The following FMO2 variants were observed in gnomAD, a reference collection of about 807,000 sequenced individuals.
The protein encoded by FMO2 is flavin containing dimethylaniline monoxygenase 2.
Under a neutral mutation model 41.6 loss-of-function variants are expected in FMO2, and 33 were observed. The observed-to-expected ratio is 0.79, with a 90% confidence interval of 0.60 to 1.06. The LOEUF (loss-of-function observed/expected upper bound fraction) is 1.06, where lower values mean the gene tolerates loss of function less well. Ranked by LOEUF, FMO2 falls within the 50% of genes least tolerant of loss-of-function variation. FMO2 has a pLI of 0.00. For synonymous variants in FMO2, 214 were observed against 219.6 expected, an observed-to-expected ratio of 0.97 and a Z score of 0.23; for missense variants, 619 against 632.9, an observed-to-expected ratio of 0.98 and a Z score of 0.23.
Position 171,208,906 on chromosome 1 carries a change from C to G in FMO2, c.1369C>G (p.Pro457Ala). The G allele has an allele frequency of 1.2e-6, 2 of 1,613,942 alleles. No homozygotes were observed. Among genetic ancestry groups the G allele is most frequent in the East Asian group, 2.2e-5 (1 of 44,864 alleles). Residue 457 changes from proline (P) to alanine (A), a missense_variant, in exon 9 of 9, where the codon CCT becomes GCT. Physicochemically the swap from Pro to Ala is conservative, Grantham distance 27 (BLOSUM62 -1). Transcript: ENST00000209929. ...PDFCSLLFKD[P>A]KLAVRLYFGP... is the part of the protein sequence containing the mutation. ...TTTCTGCTCTCTCTTGTTCAAAGATCCTAAACTGGCTGTGAGACTCTATTT... is the reference window on the plus strand; with the variant it reads ...TTTCTGCTCTCTCTTGTTCAAAGATGCTAAACTGGCTGTGAGACTCTATTT...
chr1:171,189,160 G>C (rs1031390080), intron 2 of FMO2, among the ~76,000 whole-genome samples: 2 of 152,076 alleles, frequency 1.3e-5, no homozygotes, highest in African/African-American at 4.8e-5. Context: ...AACCTTCTCT[G>C]TTTCCTTTAT....
At chr1:171,199,521 G>C (rs1658448733) in intron 5 of FMO2, 33 bp downstream of exon 5, 3 of 1,562,744 alleles carry the variant, frequency 1.9e-6, no homozygotes, top group African/African-American at 1.4e-5. Flanking sequence ...TGTACCTGGA[G>C]GGGAGGAAGT....
intron 8 of FMO2, 69 bp from the exon 9 acceptor site, chr1:171,208,725 T>C: frequency 4.1e-6 from 6 of 1,449,940 alleles, no homozygotes; most frequent in Middle Eastern, 3.6e-4. Flanking sequence ...TTTAGCAGTT[T>C]TGAATGCCTA....
chr1:171,187,534 TC>T (rs1405601603), intron 2 of FMO2, among the ~76,000 whole-genome samples: 2 of 151,348 alleles, frequency 1.3e-5, no homozygotes, highest in Non-Finnish European at 2.9e-5. Flanking sequence ...TTAATATTTT[TC>T]TGAGACAGGG....
At chr1:171,197,561 C>G (rs777058186) in intron 4 of FMO2, among the ~76,000 whole-genome samples, 1 of 152,168 alleles carries the variant, frequency 6.6e-6, no homozygotes, top group Non-Finnish European at 1.5e-5. Flanking sequence ...AGGCCCCACC[C>G]TCCATATTTC....
chr1:171,191,017 T>G (rs1442182849), intron 2 of FMO2, among the ~76,000 whole-genome samples: 1 of 151,890 alleles, frequency 6.6e-6, no homozygotes, highest in African/African-American at 2.4e-5. Context: ...TGGTGGCGCA[T>G]ACCTGTAATC....
chr1:171,187,092 C>G (rs946023510), intron 2 of FMO2, among the ~76,000 whole-genome samples: 7 of 152,238 alleles, frequency 4.6e-5, no homozygotes, highest in African/African-American at 1.7e-4. Context: ...GGCCACACAA[C>G]TGGAGGAACT....
intron 4 of FMO2, among the ~76,000 whole-genome samples, chr1:171,197,128 A>T (rs1187266112): frequency 6.6e-6 from 1 of 152,002 alleles, no homozygotes; most frequent in East Asian, 1.9e-4. Context: ...GCCTTTTTCT[A>T]CCCTGCCAAA....
intron 3 of FMO2, 87 bp from the exon 4 acceptor site, chr1:171,196,562 T>C: frequency 8.0e-7 from 1 of 1,246,678 alleles, no homozygotes; most frequent in Admixed American, 1.8e-5. Context: ...GTCAGGCCTC[T>C]TGCATGAAGC....
chr1:171,186,962 T>C (rs938323053), intron 2 of FMO2, among the ~76,000 whole-genome samples: 2 of 152,338 alleles, frequency 1.3e-5, no homozygotes. Flanking sequence ...AGATAATTCA[T>C]ATAAAGAACT....
rs1405277186 is a variant in FMO2 at position 171,209,791 on chromosome 1, C to G, written c.*646C>G. The G allele has an allele frequency of 6.6e-6, 1 of 152,146 alleles. No individual in the cohort carries two copies. Among genetic ancestry groups the G allele is most frequent in the African/African-American group, 2.4e-5 (1 of 41,448 alleles). The allele number at this position is 152,146 out of a possible 1,614,324, so 9.4% of individuals were successfully genotyped here. ...AATTAAAATTAAAATGCCATAATAG[C>G]TACCTAACAAATATATATGTTTAAT... On this transcript the variant is annotated 3_prime_UTR_variant, in exon 9 of 9. Coordinates refer to ENST00000209929, the MANE Select transcript of FMO2 (RefSeq NM_001460.5).
At chr1:171,207,668 T>A in intron 7 of FMO2, 50 bp from the exon 8 acceptor site, 1 of 1,180,786 alleles carries the variant, frequency 8.5e-7, no homozygotes, top group Non-Finnish European at 1.3e-6. Context: ...CTAGACAAAG[T>A]AATGATATTG....
In FMO2 at chr1:171,212,257, T is replaced by G. The variant is rs894097245; in HGVS notation, c.*3112T>G. Among the ~76,000 whole-genome samples, 1 of 152,056 alleles carries G rather than the reference T, an allele frequency of 6.6e-6. No individual in the cohort carries two copies. The highest frequency in any genetic ancestry group is 1.5e-5 in the Non-Finnish European group (1 of 67,990). ...TGTTGGTTATAAAAGCAAGTTTGGCTCCCTCTTTTCCTCACACACTCTTTT... is the reference window on the plus strand; with the variant it reads ...TGTTGGTTATAAAAGCAAGTTTGGCGCCCTCTTTTCCTCACACACTCTTTT... On this transcript the variant is annotated 3_prime_UTR_variant, in exon 9 of 9. Transcript: ENST00000209929.
chr1:171,193,380 A>C lies in FMO2; in HGVS notation c.178A>C (p.Thr60Pro). ...AGCAAGTATCTATCAATCTGTCGTT[A>C]CCAACACCAGCAAAGAAATGTCCTG... The part of the protein sequence containing the change: ...GRASIYQSVV[T>P]NTSKEMSCFS... Residue 60 changes from threonine to proline, a missense_variant, in exon 3 of 9, where the codon ACC becomes CCC. Physicochemically the swap from Thr to Pro is conservative, Grantham distance 38. Transcript: ENST00000209929. 6.2e-7 allele frequency: 1 copy of C among 1,612,898 alleles called. No homozygotes were observed.
chr1:171,194,995 T>C (rs540562234), intron 3 of FMO2, among the ~76,000 whole-genome samples: 2 of 152,320 alleles, frequency 1.3e-5, no homozygotes, highest in East Asian at 3.9e-4. Context: ...TACCAGAAGG[T>C]TTTGTAACTT....
chr1:171,204,538 A>G (rs1368006908), intron 6 of FMO2, among the ~76,000 whole-genome samples: 1 of 152,194 alleles, frequency 6.6e-6, no homozygotes, highest in Non-Finnish European at 1.5e-5. Flanking sequence ...TGATTTAAGC[A>G]CAAGCAAATG....
chr1:171,199,177 G>T, intron 4 of FMO2, 169 bp from the exon 5 acceptor site: 1 of 539,424 alleles, frequency 1.9e-6, no homozygotes, highest in Non-Finnish European at 3.1e-6. Flanking sequence ...GGGATTACAG[G>T]CCCCACCTGG....
chr1:171,193,832 T>C (rs1288011006), intron 3 of FMO2, among the ~76,000 whole-genome samples: 1 of 151,282 alleles, frequency 6.6e-6, no homozygotes, highest in Non-Finnish European at 1.5e-5. Context: ...CAGGCTGGAG[T>C]GCAGTGGCAT....
chr1:171,188,230 C>T (rs1283996893), intron 2 of FMO2, among the ~76,000 whole-genome samples: 1 of 151,878 alleles, frequency 6.6e-6, no homozygotes, highest in Non-Finnish European at 1.5e-5. Flanking sequence ...GAACAGTCTG[C>T]CAACAATATG....
Sources: gnomAD v4.1 joint callset for allele counts (sites outside exome capture counted in the v4.1 genomes callset) on GRCh38, gnomAD v4.1.1 for gene constraint, MANE v1.5 for transcripts, NCBI Gene and HGNC (gene_info 2026-07-23, HGNC 2026-07-21) for gene names.